The following CFHR5 variants were observed in gnomAD, a reference collection of about 807,000 sequenced individuals.
CFHR5 encodes complement factor H-related protein 5.
In CFHR5, 73 loss-of-function variants were observed where a neutral mutation model predicts 62.9. That is an observed-to-expected ratio of 1.16 (90% CI 0.96 to 1.41). The LOEUF is 1.41. Ranked by LOEUF, CFHR5 falls within the 40% of genes most tolerant of loss-of-function variation. The pLI is 0.00. For missense variants in CFHR5, 779 were observed against 679.9 expected (o/e 1.15, Z -1.62); for synonymous variants, 249 against 227.2 (o/e 1.10, Z -0.86).
upstream of CFHR5, among the ~76,000 whole-genome samples, chr1:196,976,495 C>T (rs1653396338): frequency 6.6e-6 from 1 of 152,130 alleles, no homozygotes; most frequent in South Asian, 2.1e-4. Flanking sequence ...CAGGGTTCAA[C>T]TTCTGAGCCA....
intron 6 of CFHR5, 68 bp downstream of exon 6, chr1:196,996,269 T>C (rs1653989385): frequency 7.1e-6 from 9 of 1,262,528 alleles, no homozygotes; most frequent in African/African-American, 1.5e-5. Context: ...ATAAAGTGTA[T>C]AAATCTGGCT....
Position 196,983,958 on chromosome 1 carries a change from T to G in CFHR5, c.254-3T>G. 6.2e-7 allele frequency: 1 copy of G among 1,605,506 alleles called. No homozygotes were observed. The highest frequency in any genetic ancestry group is 8.5e-7 in the Non-Finnish European group (1 of 1,174,038). The stretch of plus-strand genomic sequence containing the variant: ...TGTACATTAATCAATTTTTGTTCCT[T>G]AGGAATGTGTTCCTTTCCTTTTGTG... On this transcript the variant is annotated splice_region_variant and splice_polypyrimidine_tract_variant and intron_variant, in intron 2 of 9. Coordinates refer to ENST00000256785, the MANE Select transcript of CFHR5 (RefSeq NM_030787.4).
chr1:196,981,556 C>G (rs1653541355), intron 1 of CFHR5, among the ~76,000 whole-genome samples: 1 of 151,322 alleles, frequency 6.6e-6, no homozygotes, highest in Admixed American at 6.6e-5. Context: ...AATATTTCAC[C>G]CATTTTCTAC....
intron 3 of CFHR5, among the ~76,000 whole-genome samples, chr1:196,984,491 A>G (rs1653630637): frequency 6.6e-6 from 1 of 152,192 alleles, no homozygotes; most frequent in Non-Finnish European, 1.5e-5. Flanking sequence ...CTTATAAGGA[A>G]GTTTTTAATA....
At chr1:196,980,785 G>T (rs1653522351) in intron 1 of CFHR5, among the ~76,000 whole-genome samples, 1 of 152,108 alleles carries the variant, frequency 6.6e-6, no homozygotes, top group African/African-American at 2.4e-5. Context: ...GTTATACGAT[G>T]AATGTTGTAG....
upstream of CFHR5, among the ~76,000 whole-genome samples, chr1:196,976,577 T>A (rs1334019777): frequency 1.3e-5 from 2 of 152,106 alleles, no homozygotes. Flanking sequence ...GGAGACTTTC[T>A]GGAAAAAATA....
At chr1:196,977,011 G>C (rs903726922), upstream of CFHR5, among the ~76,000 whole-genome samples, 4 of 151,598 alleles carry the variant, frequency 2.6e-5, no homozygotes, top group African/African-American at 7.3e-5. Flanking sequence ...GTTTCACCGT[G>C]TTAGCCAGGA....
rs1451988182 is a variant in CFHR5, at chr1:196,982,966, C to T, written c.140C>T (p.Thr47Ile). The T allele has an allele frequency of 1.9e-6, 3 of 1,613,942 alleles. No homozygotes were observed. Among genetic ancestry groups the T allele is most frequent in the East Asian group, 4.5e-5 (2 of 44,874 alleles). Residue 47 changes from threonine to isoleucine, a missense_variant, in exon 2 of 10, where the codon ACA becomes ATA. Physicochemically the swap from Thr to Ile is moderately conservative, Grantham distance 89 (BLOSUM62 -1). Coordinates refer to ENST00000256785, the MANE Select transcript of CFHR5 (RefSeq NM_030787.4). Reference protein sequence around the residue: ...EDYNPFSQVPTGEVFYYSCEY... With the variant: ...EDYNPFSQVPIGEVFYYSCEY... ...TATAACCCTTTTTCCCAAGTTCCTA[C>T]AGGGGAAGTTTTCTATTACTCCTGT...
Position 196,986,997 on chromosome 1 carries a change from A to T in CFHR5, c.430+2860A>T, listed in dbSNP as rs1457841142. ...TACACTCCCAACAACAGTGTAAAAG[A>T]GTTCCTATTTCTCCACATCCTCTCT... On this transcript the variant is annotated intron_variant, in intron 3 of 9. Transcript: ENST00000256785. Among the ~76,000 whole-genome samples the T allele has an allele frequency of 2.0e-5, 3 of 152,114 alleles. No homozygotes were observed. In the East Asian group the frequency reaches 5.8e-4, roughly 29 times the overall value.
chr1:196,999,290 C>T (rs1654070816), intron 7 of CFHR5, among the ~76,000 whole-genome samples: 1 of 151,622 alleles, frequency 6.6e-6, no homozygotes, highest in African/African-American at 2.4e-5. Flanking sequence ...TATTTGATTT[C>T]ATTATATATT....
intron 9 of CFHR5, 34 bp from the exon 10 acceptor site, chr1:197,008,449 ATTAT>A: frequency 3.2e-6 from 4 of 1,261,474 alleles, no homozygotes; most frequent in Non-Finnish European, 4.4e-6. Flanking sequence ...AAGATGTATT[ATTAT>A]TTATTTATTT....
intron 3 of CFHR5, among the ~76,000 whole-genome samples, chr1:196,991,030 T>A (rs891339047): frequency 1.2e-4 from 18 of 152,224 alleles, no homozygotes; most frequent in African/African-American, 4.3e-4. Flanking sequence ...GTTTTTCACA[T>A]AGTCCCATAT....
intron 3 of CFHR5, among the ~76,000 whole-genome samples, chr1:196,989,280 C>A (rs1309693470): frequency 1.5e-4 from 23 of 152,038 alleles, no homozygotes; most frequent in African/African-American, 5.3e-4. Flanking sequence ...ATTAGTCTTG[C>A]TAGCAGTCTG....
chr1:196,997,244 C>T (rs567769341), intron 6 of CFHR5, among the ~76,000 whole-genome samples: 1 of 152,226 alleles, frequency 6.6e-6, no homozygotes, highest in East Asian at 1.9e-4. Flanking sequence ...TCCGTGATGA[C>T]CTATTGTGAG....
rs952329207 is a variant in CFHR5 at position 197,002,518 on chromosome 1, T to C, written c.1184T>C (p.Ile395Thr). 3.1e-6 allele frequency: 5 copies of C among 1,613,452 alleles called. No homozygotes were observed. Among genetic ancestry groups the C allele is most frequent in the African/African-American group, 2.7e-5 (2 of 74,860 alleles). Residue 395 changes from isoleucine to threonine, a missense_variant, in exon 8 of 10, where the codon ATA (isoleucine) becomes ACA (threonine). Coordinates refer to ENST00000256785, the MANE Select transcript of CFHR5 (RefSeq NM_030787.4). ...CAATTCTGCCCACCGCCACCTCAGATACCTAATGCTCAGAATATGACAACC... is the reference window on the plus strand; with the variant it reads ...CAATTCTGCCCACCGCCACCTCAGACACCTAATGCTCAGAATATGACAACC... Reference protein sequence around the residue: ...REQFCPPPPQIPNAQNMTTTV... With the variant: ...REQFCPPPPQTPNAQNMTTTV...
chr1:196,979,392 T>C (rs946100305), intron 1 of CFHR5, among the ~76,000 whole-genome samples: 1 of 152,026 alleles, frequency 6.6e-6, no homozygotes. Flanking sequence ...CAAACCTAGA[T>C]TGTATAGCCT....
intron 7 of CFHR5, among the ~76,000 whole-genome samples, chr1:196,999,294 A>G (rs1654070905): frequency 6.6e-6 from 1 of 151,878 alleles, no homozygotes; most frequent in Non-Finnish European, 1.5e-5. Context: ...TGATTTCATT[A>G]TATATTTTTT....
intron 6 of CFHR5, among the ~76,000 whole-genome samples, chr1:196,997,538 A>G (rs1371267154): frequency 6.6e-6 from 1 of 152,130 alleles, no homozygotes; most frequent in Non-Finnish European, 1.5e-5. Flanking sequence ...AATGAGAACT[A>G]CTTAGACAAG....
chr1:197,004,894 A>T, intron 9 of CFHR5, 51 bp downstream of exon 9: 1 of 1,416,240 alleles, frequency 7.1e-7, no homozygotes, highest in Non-Finnish European at 9.9e-7. Context: ...TTATAGTGTA[A>T]TTTTTTTGGA....
Sources: allele counts gnomAD v4.1 joint callset (sites outside exome capture counted in the v4.1 genomes callset), GRCh38; gene constraint gnomAD v4.1.1; transcripts MANE v1.5; gene names NCBI Gene and HGNC (gene_info 2026-07-23, HGNC 2026-07-21).